Variants in HSPG2 observed in about 807,000 individuals in gnomAD.
HSPG2 encodes basement membrane-specific heparan sulfate proteoglycan core protein.
HSPG2 carries 278 observed loss-of-function variants against 526.6 expected under a neutral mutation model. The observed-to-expected ratio is 0.53, with a 90% confidence interval of 0.48 to 0.58. The LOEUF (loss-of-function observed/expected upper bound fraction) is 0.58. HSPG2 is among the 20% of genes least tolerant of loss of function. The pLI, the probability that HSPG2 is intolerant of heterozygous loss-of-function variation, is 0.00. For missense variants in HSPG2, 5,354 were observed against 6,099.5 expected (o/e 0.88, Z 4.07); for synonymous variants, 2,465 against 2,555.4 (o/e 0.96, Z 1.07).
At chr1:21,925,046 C>G (rs981546358) in intron 1 of HSPG2, among the ~76,000 whole-genome samples, 8 of 152,218 alleles carry the variant, frequency 5.3e-5, no homozygotes, top group South Asian at 2.1e-4. Context: ...GAGTAGGGAC[C>G]ATGCCTCCAA....
Position 21,876,352 on chromosome 1 carries a change from G to T in HSPG2, c.2880C>A (p.Ser960Arg). 1 of 1,613,660 alleles carries T rather than the reference G, an allele frequency of 6.2e-7. No homozygotes were observed. The highest frequency in any genetic ancestry group is 8.5e-7 in the Non-Finnish European group (1 of 1,179,844). ...PGHFSLTNAA[S>R]THTTNEGIFS... ...AGATGCCCTCGTTGGTGGTGTGGGT[G>T]CTTGCGGCGTTGGTCAGGCTGAAGT... is the stretch of plus-strand genomic sequence containing the variant. Residue 960 changes from serine (S) to arginine (R), a missense_variant, in exon 23 of 97, where the codon AGC becomes AGA. Ser to Arg is a moderately radical substitution (Grantham distance 110). Transcript: ENST00000374695.
intron 1 of HSPG2, among the ~76,000 whole-genome samples, chr1:21,901,191 A>G (rs758843396): frequency 8.5e-5 from 13 of 152,148 alleles, no homozygotes; most frequent in Admixed American, 2.6e-4. Flanking sequence ...TTCTGGATGA[A>G]GAAACTGAGG....
chr1:21,867,041 T>C (rs1433472544), intron 33 of HSPG2, among the ~76,000 whole-genome samples: 4 of 148,162 alleles, frequency 2.7e-5, no homozygotes, highest in Non-Finnish European at 4.4e-5. Context: ...TACAGCACAG[T>C]GATTTTTAAA....
chr1:21,935,898 G>C (rs1337874511), intron 1 of HSPG2, among the ~76,000 whole-genome samples: 1 of 152,122 alleles, frequency 6.6e-6, no homozygotes, highest in African/African-American at 2.4e-5. Flanking sequence ...GAGTGGGGAT[G>C]GGGGAGGAGA....
intron 1 of HSPG2, among the ~76,000 whole-genome samples, chr1:21,924,437 C>A (rs1333420307): frequency 1.3e-5 from 2 of 152,162 alleles, no homozygotes; most frequent in South Asian, 2.1e-4. Flanking sequence ...ATATGGTGGG[C>A]TCCTTGAGGT....
At chr1:21,835,983 CA>C (rs71569851) in intron 75 of HSPG2, among the ~76,000 whole-genome samples, 156 of 75,800 alleles carry the variant, frequency 2.1e-3, no homozygotes, top group Middle Eastern at 0.015. Context: ...GATTCCATCT[CA>C]AAAAAAAAAA....
chr1:21,834,007 T>C, intron 77 of HSPG2, 82 bp from the exon 78 acceptor site: 1 of 900,748 alleles, frequency 1.1e-6, no homozygotes, highest in South Asian at 1.4e-5. Context: ...TCATTTCATC[T>C]TCACACCACC....
At chr1:21,873,486 G>A (rs1640812239) in intron 29 of HSPG2, 62 bp from the exon 30 acceptor site, 8 of 1,504,078 alleles carry the variant, frequency 5.3e-6, no homozygotes, top group Non-Finnish European at 7.4e-6. Flanking sequence ...CCAGGGCTGG[G>A]CTGAGGGCCC....
Position 21,850,504 on chromosome 1 carries a change from C to T in HSPG2, c.7159-6G>A. 1 of 1,605,466 alleles carries T rather than the reference C, an allele frequency of 6.2e-7. No homozygotes were observed. Among genetic ancestry groups the T allele is most frequent in the Non-Finnish European group, 8.5e-7 (1 of 1,175,172 alleles). ...CTCAGCAGGGAGCCGTGGGTCTGGC[C>T]AGAATGGGGGTGAGTCAGAGGGAGC... On this transcript the variant is annotated splice_region_variant and splice_polypyrimidine_tract_variant and intron_variant, in intron 55 of 96. Transcript: ENST00000374695.
chr1:21,832,213 G>T (rs930717458), intron 81 of HSPG2, among the ~76,000 whole-genome samples: 1 of 152,180 alleles, frequency 6.6e-6, no homozygotes, highest in African/African-American at 2.4e-5. Context: ...ATCAGTGCCT[G>T]GCACACATGG....
intron 39 of HSPG2, among the ~76,000 whole-genome samples, chr1:21,860,523 G>A (rs370227602): frequency 1.4e-4 from 21 of 151,806 alleles, no homozygotes; most frequent in Admixed American, 1.1e-3. Context: ...ACAGATTCTC[G>A]CTCTGTCACC....
In HSPG2 at chr1:21,846,582, G is replaced by T; in HGVS notation, c.8182C>A (p.Pro2728Thr). The T allele has an allele frequency of 6.2e-7, 1 of 1,613,658 alleles. No individual in the cohort carries two copies. Among genetic ancestry groups the T allele is most frequent in the Non-Finnish European group, 8.5e-7 (1 of 1,180,036 alleles). Residue 2728 changes from proline (P) to threonine (T), a missense_variant, in exon 63 of 97, where the codon CCC (proline) becomes ACC (threonine). Transcript: ENST00000374695. ...GAGGAGGATGACTCAATTCTGATGG[G>T]CATGGAGCTGCCAGGGGCTGGGGGA... is the stretch of plus-strand genomic sequence containing the variant. ...GSPSAPGSSM[P>T]IRIESSSSHV...
chr1:21,864,778 C>T lies in HSPG2; in HGVS notation c.4626+65G>A, dbSNP rs1640094501. ...ATGGTAATCAAGGCTGCGGCGACGCCGGCTGATTTGCTTGCTGATGCCTCT... is the reference window on the plus strand; with the variant it reads ...ATGGTAATCAAGGCTGCGGCGACGCTGGCTGATTTGCTTGCTGATGCCTCT... On this transcript the variant is annotated intron_variant, in intron 36 of 96. Transcript: ENST00000374695. This position sits in a 1 kb window ranked among gnomAD's most constrained non-coding sequence, Gnocchi z 4.8. 1.3e-5 allele frequency: 18 copies of T among 1,376,538 alleles called. No homozygotes were observed. The highest frequency in any genetic ancestry group is 6.1e-5 in the South Asian group (5 of 81,610). 85.3% of individuals were successfully genotyped at this position (1,376,538 alleles called of 1,614,324 possible).
chr1:21,849,086 C>T, intron 57 of HSPG2, 55 bp from the exon 58 acceptor site: 3 of 1,596,318 alleles, frequency 1.9e-6, no homozygotes, highest in Non-Finnish European at 2.6e-6. Flanking sequence ...GCGGCTCACG[C>T]CAAGCTCCTG....
chr1:21,873,134 C>T, intron 30 of HSPG2, 43 bp from the exon 31 acceptor site: 1 of 1,486,632 alleles, frequency 6.7e-7, no homozygotes, highest in Non-Finnish European at 9.3e-7. Flanking sequence ...AAACCCGCCA[C>T]CCAGCACCCC....
Position 21,855,831 on chromosome 1 carries a change from C to T in HSPG2, c.5657G>A (p.Arg1886His), listed in dbSNP as rs370745167. ...CGTGGGGCTCCCTGTGGCGCTGCAG[C>T]GGAACTCCGCCAGTTGCCCGGGCTG... ...TVQPGQLAEF[R>H]CSATGSPTPT... is the part of the protein sequence containing the mutation. The change falls in exon 45 of 97, where the codon CGC (arginine) becomes CAC (histidine). Residue 1886 changes from arginine (R) to histidine (H), a missense_variant. Physicochemically the swap from Arg to His is conservative, Grantham distance 29. Coordinates refer to ENST00000374695, the MANE Select transcript of HSPG2 (RefSeq NM_005529.7). 106 of 1,612,998 alleles carry T rather than the reference C, an allele frequency of 6.6e-5. No individual in the cohort carries two copies. The highest frequency in any genetic ancestry group is 2.7e-4 in the East Asian group (12 of 44,884).
intron 1 of HSPG2, among the ~76,000 whole-genome samples, chr1:21,936,291 C>G (rs1644486239): frequency 1.3e-5 from 2 of 152,194 alleles, no homozygotes; most frequent in Admixed American, 1.3e-4. Flanking sequence ...GATTCCTGAC[C>G]GTAGAATTCC....
intron 80 of HSPG2, 193 bp downstream of exon 80, chr1:21,833,075 A>G (rs986521131): frequency 8.0e-5 from 52 of 653,620 alleles, no homozygotes; most frequent in Non-Finnish European, 1.4e-4. Context: ...AGAGGCAGGG[A>G]TGGAGAAGCC....
At chr1:21,837,840 G>T (rs768358873) in intron 74 of HSPG2, among the ~76,000 whole-genome samples, 19 of 152,050 alleles carry the variant, frequency 1.2e-4, no homozygotes, top group Non-Finnish European at 1.3e-4. Flanking sequence ...TACAGATAAA[G>T]AAACTGAGGC....
Sources: allele counts gnomAD v4.1 joint callset (sites outside exome capture counted in the v4.1 genomes callset), GRCh38; gene constraint gnomAD v4.1.1; non-coding constraint Gnocchi (gnomAD v3.1); transcripts MANE v1.5; gene names NCBI Gene and HGNC (gene_info 2026-07-23, HGNC 2026-07-21).